The following GFI1B variants were observed in gnomAD, a reference collection of about 807,000 sequenced individuals.
The protein encoded by GFI1B is zinc finger protein Gfi-1b.
Under a neutral mutation model 35.3 loss-of-function variants are expected in GFI1B, and 20 were observed. The ratio of observed to expected loss-of-function variants is 0.57; its 90% CI spans 0.40 to 0.82. GFI1B has a LOEUF of 0.82. Ranked by LOEUF, GFI1B falls within the 40% of genes least tolerant of loss-of-function variation. The probability of loss-of-function intolerance (pLI) is 0.00; values close to 1 mark genes in which losing one functional copy is unlikely to be tolerated. For missense variants in GFI1B, 430 were observed against 446.3 expected, an observed-to-expected ratio of 0.96 and a Z score of 0.33; for synonymous variants, 178 against 177.6, an observed-to-expected ratio of 1.00 and a Z score of -0.02.
rs969340425 is a variant in GFI1B at position 132,959,513 on chromosome 9, G to A, written c.-700-13212G>A. Among the ~76,000 whole-genome samples the A allele has an allele frequency of 3.9e-5, 6 of 152,330 alleles. 1 individual carries two copies. The highest frequency in any genetic ancestry group is 2.9e-5 in the Non-Finnish European group (2 of 68,026). ...AGTGAGAGACACGTGTGAATATCTA[G>A]CAGAGTGCCCACGCAGTGTGAGCAC... On this transcript the variant is annotated intron_variant, in intron 1 of 10. Coordinates refer to the GFI1B transcript ENST00000339463.
Position 132,989,843 on chromosome 9 carries a change from C to T in GFI1B, c.750C>T (p.Cys250=), listed in dbSNP as rs1424427982. 2.5e-6 allele frequency: 4 copies of T among 1,614,090 alleles called. No individual in the cohort carries two copies. The highest frequency in any genetic ancestry group is 2.5e-6 in the Non-Finnish European group (3 of 1,180,008). Residue 250 remains cysteine, a synonymous_variant, in exon 6 of 7, where the codon TGC becomes TGT. Coordinates refer to ENST00000372122, the MANE Select transcript of GFI1B (RefSeq NM_001377304.1). The surrounding 1 kb of genome is among the most constrained non-coding windows in gnomAD (Gnocchi z 6.2). The part of the protein sequence containing the change: ...LIHSDTRPYP[C]QFCGKRFHQK... ...ACTCAGACACGCGGCCCTACCCCTG[C>T]CAGTTCTGCGGCAAGCGTTTCCACC...
chr9:132,993,065 G>A (rs367560328), downstream of GFI1B, among the ~76,000 whole-genome samples: 145 of 152,082 alleles, frequency 9.5e-4, 4 homozygotes, highest in South Asian at 0.026. Flanking sequence ...AGGCTGAGGC[G>A]GGCAGATCAC....
At chr9:132,949,988 T>G (rs1848176465) in intron 1 of GFI1B, among the ~76,000 whole-genome samples, 1 of 152,124 alleles carries the variant, frequency 6.6e-6, no homozygotes, top group African/African-American at 2.4e-5. Context: ...GGCATGCAGC[T>G]GAAGTACTAG....
chr9:132,950,825 G>T lies in GFI1B; in HGVS notation c.-701+5156G>T, dbSNP rs191088182. 4.4e-3 allele frequency among the ~76,000 whole-genome samples: 648 copies of T among 147,014 alleles called. 5 individuals are homozygous for T. The highest frequency in any genetic ancestry group is 0.016 in the African/African-American group (610 of 39,166). On this transcript the variant is annotated intron_variant, in intron 1 of 10. Coordinates refer to the GFI1B transcript ENST00000339463. ...TTTCTCTGTTTGTATGGGGTTTTTT[G>T]TTGTTGTTGTTTGTTTGTTTGTTTG...
At chr9:132,981,552 C>T (rs1273216924) in intron 1 of GFI1B, among the ~76,000 whole-genome samples, 2 of 151,976 alleles carry the variant, frequency 1.3e-5, no homozygotes, top group Non-Finnish European at 1.5e-5. Context: ...ATGGGAGGAT[C>T]GCTTGGGCCT....
intron 1 of GFI1B, among the ~76,000 whole-genome samples, chr9:132,961,037 A>C (rs1848354031): frequency 6.6e-6 from 1 of 152,182 alleles, no homozygotes; most frequent in Non-Finnish European, 1.5e-5. Flanking sequence ...AAGCATATGC[A>C]GTGACCATTT....
chr9:132,974,221 C>T (rs1283671967), upstream of GFI1B, among the ~76,000 whole-genome samples: 1 of 152,222 alleles, frequency 6.6e-6, no homozygotes, highest in Admixed American at 6.5e-5. Flanking sequence ...AAGCCCTGAG[C>T]TGTGTGCCTG....
At chr9:132,987,081 A>G (rs146611056) in intron 2 of GFI1B, among the ~76,000 whole-genome samples, 304 of 152,220 alleles carry the variant, frequency 2.0e-3, no homozygotes, top group Non-Finnish European at 3.9e-3. Flanking sequence ...GACTGGTCCA[A>G]AGTCTTCCCC....
chr9:132,991,115 C>A lies in GFI1B; in HGVS notation c.*65C>A. On this transcript the variant is annotated 3_prime_UTR_variant, in exon 7 of 7. Transcript: ENST00000372122. ...GGTCCTGTCACCTGGAGGCCAGCCT[C>A]ACATGCCCAAATCTCCAGTCTCCTG... The A allele has an allele frequency of 7.0e-7, 1 of 1,423,402 alleles. No individual in the cohort carries two copies. The highest frequency in any genetic ancestry group is 1.2e-5 in the South Asian group (1 of 86,868). The allele number at this position is 1,423,402 out of a possible 1,614,324, so 88.2% of individuals were successfully genotyped here. A position where few individuals can be genotyped will look rare whatever the true frequency, so the allele number is the denominator to read the frequency against.
At chr9:132,969,984 G>C (rs1848508692) in intron 1 of GFI1B, among the ~76,000 whole-genome samples, 1 of 152,168 alleles carries the variant, frequency 6.6e-6, no homozygotes, top group African/African-American at 2.4e-5. Flanking sequence ...AATCCTGGCT[G>C]CTGGAGGGCT....
At chr9:132,985,020 T>C (rs1564533836) in intron 1 of GFI1B, among the ~76,000 whole-genome samples, 1 of 144,216 alleles carries the variant, frequency 6.9e-6, no homozygotes, top group African/African-American at 2.5e-5. Flanking sequence ...TCTCCCGCCT[T>C]CTCCGGACCC....
chr9:132,970,753 G>A (rs887707849), intron 1 of GFI1B, among the ~76,000 whole-genome samples: 4 of 152,202 alleles, frequency 2.6e-5, no homozygotes, highest in African/African-American at 7.2e-5. Flanking sequence ...CCCAGGGTAA[G>A]CTTCAACAAA....
intron 1 of GFI1B, among the ~76,000 whole-genome samples, chr9:132,967,818 G>A (rs150366542): frequency 2.3e-3 from 343 of 152,150 alleles, no homozygotes; most frequent in African/African-American, 7.8e-3. Context: ...CTCTTGCTCT[G>A]TCACCCAGGC....
At chr9:132,949,555 A>G (rs1291559254) in intron 1 of GFI1B, 2 of 152,306 alleles carry the variant, frequency 1.3e-5, no homozygotes, top group East Asian at 3.9e-4. Context: ...ATCACTTAGA[A>G]AACACCTCAA....
intron 1 of GFI1B, chr9:132,953,671 G>T (rs1434643873): frequency 6.6e-6 from 1 of 151,924 alleles, no homozygotes; most frequent in African/African-American, 2.4e-5. Context: ...AAATAGGCCG[G>T]GCACGGTGGC....
intron 1 of GFI1B, chr9:132,962,549 G>T: frequency 2.1e-6 from 1 of 484,152 alleles, no homozygotes; most frequent in Non-Finnish European, 4.1e-6. Flanking sequence ...AGTGATTCCT[G>T]GCCAAGAAAC....
chr9:132,947,742 G>A (rs1848141385), intron 1 of GFI1B, among the ~76,000 whole-genome samples: 1 of 149,946 alleles, frequency 6.7e-6, no homozygotes, highest in South Asian at 2.2e-4. Context: ...CTGGGAGGCA[G>A]AGGTTGTAGT....
chr9:132,977,434 C>T (rs1445989230), upstream of GFI1B, among the ~76,000 whole-genome samples: 1 of 152,154 alleles, frequency 6.6e-6, no homozygotes, highest in Non-Finnish European at 1.5e-5. Context: ...AGCAGAAAGA[C>T]CTCGCCTGAA....
Position 132,989,326 on chromosome 9 carries a change from T to C in GFI1B, c.648+128T>C. ...GTGACACAGATTGGGAGGGGTCCCC[T>C]AGTACCCACCTCCCTGGGTCTGGGT... On this transcript the variant is annotated intron_variant, in intron 5 of 6. Coordinates refer to ENST00000372122, the MANE Select transcript of GFI1B (RefSeq NM_001377304.1). The surrounding 1 kb of genome is among the most constrained non-coding windows in gnomAD (Gnocchi z 6.2). 1 of 878,842 alleles carries C rather than the reference T, an allele frequency of 1.1e-6. No homozygotes were observed. The highest frequency in any genetic ancestry group is 1.4e-5 in the South Asian group (1 of 71,860). 54.4% of individuals were successfully genotyped at this position (878,842 alleles called of 1,614,324 possible). A position where few individuals can be genotyped will look rare whatever the true frequency, so the allele number is the denominator to read the frequency against.
Sources: allele counts gnomAD v4.1 joint callset (sites outside exome capture counted in the v4.1 genomes callset), GRCh38; gene constraint gnomAD v4.1.1; non-coding constraint Gnocchi (gnomAD v3.1); transcripts MANE v1.5; gene names NCBI Gene and HGNC (gene_info 2026-07-23, HGNC 2026-07-21).